OR51B5: variants seen among roughly 807,000 people sequenced by gnomAD.
OR51B5 encodes the protein olfactory receptor family 51 subfamily B member 5, also known as olfactory receptor 51B5.
For synonymous variants in OR51B5, 186 were observed against 144.8 expected (o/e 1.28, Z -2.04); for missense variants, 456 against 374.6 (o/e 1.22, Z -1.79).
At chr11:5,502,194 C>A (rs975229497) in intron 1 of OR51B5, among the ~76,000 whole-genome samples, 4 of 148,448 alleles carry the variant, frequency 2.7e-5, no homozygotes, top group Non-Finnish European at 6.0e-5. Context: ...CCGCTTGTCA[C>A]TCTCTCATTC....
intron 1 of OR51B5, among the ~76,000 whole-genome samples, chr11:5,465,160 C>T (rs1453659561): frequency 7.0e-6 from 1 of 142,352 alleles, no homozygotes; most frequent in Non-Finnish European, 1.5e-5. Flanking sequence ...GAGCCGAGAT[C>T]CCGCCACTGC....
At chr11:5,402,923 C>T (rs1849994205) in intron 1 of OR51B5, 1 of 471,348 alleles carries the variant, frequency 2.1e-6, no homozygotes. Context: ...TCCATCCATT[C>T]TTTATCCATG....
At chr11:5,454,507 T>A in intron 1 of OR51B5, 1 of 1,171,394 alleles carries the variant, frequency 8.5e-7, no homozygotes, top group Non-Finnish European at 1.2e-6. Flanking sequence ...CATCAAAGTA[T>A]AAGATAGATT....
At chr11:5,372,097 C>A (rs896376979) in intron 1 of OR51B5, among the ~76,000 whole-genome samples, 3 of 152,048 alleles carry the variant, frequency 2.0e-5, no homozygotes, top group African/African-American at 7.2e-5. Flanking sequence ...ATTGTGATAT[C>A]ATACATACAT....
chr11:5,435,410 A>T (rs904247791), intron 1 of OR51B5, among the ~76,000 whole-genome samples: 6 of 152,186 alleles, frequency 3.9e-5, no homozygotes, highest in Non-Finnish European at 8.8e-5. Flanking sequence ...ACTTATGTTA[A>T]TTTGTAAACA....
intron 1 of OR51B5, among the ~76,000 whole-genome samples, chr11:5,359,752 G>T (rs1369249879): frequency 1.3e-5 from 2 of 150,786 alleles, no homozygotes; most frequent in Non-Finnish European, 3.0e-5. Flanking sequence ...TATACTACAA[G>T]GCTACAGTAA....
intron 1 of OR51B5, chr11:5,403,208 T>C (rs1850000283): frequency 4.2e-6 from 2 of 471,238 alleles, no homozygotes; most frequent in Non-Finnish European, 8.8e-6. Flanking sequence ...GGATTTTCAT[T>C]GTTACCTCTA....
chr11:5,422,605 C>A (rs993842607), intron 1 of OR51B5: 3 of 1,614,148 alleles, frequency 1.9e-6, no homozygotes, highest in Non-Finnish European at 2.5e-6. Flanking sequence ...TCCATTATGC[C>A]TCCATCCTCA....
intron 1 of OR51B5, among the ~76,000 whole-genome samples, chr11:5,471,821 C>G (rs117372022): frequency 6.6e-6 from 1 of 152,080 alleles, no homozygotes; most frequent in Non-Finnish European, 1.5e-5. Context: ...AGCTTCCTCA[C>G]GTCTTATTTT....
At chr11:5,417,461 A>T (rs554769006) in intron 1 of OR51B5, among the ~76,000 whole-genome samples, 4 of 151,806 alleles carry the variant, frequency 2.6e-5, no homozygotes, top group South Asian at 2.1e-4. Context: ...TCTGCGCAGC[A>T]AAAGAAACTA....
At chr11:5,381,719 TATG>T (rs1455831114) in intron 1 of OR51B5, among the ~76,000 whole-genome samples, 1 of 152,166 alleles carries the variant, frequency 6.6e-6, no homozygotes, top group African/African-American at 2.4e-5. Flanking sequence ...TATTTTGTGA[TATG>T]ATAAAACAAA....
intron 1 of OR51B5, among the ~76,000 whole-genome samples, chr11:5,432,182 C>G (rs1850544008): frequency 6.6e-6 from 1 of 152,176 alleles, no homozygotes; most frequent in Non-Finnish European, 1.5e-5. Context: ...AACACACATG[C>G]CTTTCCACCC....
At chr11:5,402,957 C>G in intron 1 of OR51B5, 1 of 471,350 alleles carries the variant, frequency 2.1e-6, no homozygotes, top group Non-Finnish European at 4.4e-6. Context: ...TGCTGCTGGC[C>G]ATGTCTTTGG....
chr11:5,476,332 T>C (rs548997056), intron 1 of OR51B5, among the ~76,000 whole-genome samples: 9 of 152,330 alleles, frequency 5.9e-5, no homozygotes, highest in Non-Finnish European at 1.2e-4. Flanking sequence ...ATAACTTATC[T>C]ATAGTCACAA....
At chr11:5,502,861 T>C (rs1220601675) in intron 1 of OR51B5, among the ~76,000 whole-genome samples, 1 of 152,242 alleles carries the variant, frequency 6.6e-6, no homozygotes, top group Non-Finnish European at 1.5e-5. Context: ...TCATTGCCAC[T>C]ATATTTTAAA....
At chr11:5,418,586 C>G (rs6578643) in intron 1 of OR51B5, among the ~76,000 whole-genome samples, 124,835 of 151,946 alleles carry the variant, frequency 0.82, 52,110 homozygotes, top group Non-Finnish European at 0.89. Context: ...CAGGGACATG[C>G]ATGAAGCTGG....
chr11:5,442,659 T>A (rs577780765), intron 1 of OR51B5, among the ~76,000 whole-genome samples: 1 of 152,332 alleles, frequency 6.6e-6, no homozygotes, highest in African/African-American at 2.4e-5. Context: ...TTATTATTTT[T>A]TAGTTATTTG....
rs562282576 is a variant in OR51B5, at chr11:5,400,086, T to G, written n.85-53176A>C. On this transcript the variant is annotated intron_variant and non_coding_transcript_variant, in intron 1 of 4. Coordinates refer to the OR51B5 transcript ENST00000415970. ...AGGGCATAAGAATGCAGAAGAGAAA[T>G]GTTTCTCATTTTCAGCCATAAGATG... Among the ~76,000 whole-genome samples, 5 of 152,206 alleles carry G rather than the reference T, an allele frequency of 3.3e-5. No individual in the cohort carries two copies. The East Asian group carries it at 9.7e-4, about 29-fold the overall frequency.
At chr11:5,396,218 C>G (rs2647558) in intron 1 of OR51B5, among the ~76,000 whole-genome samples, 56,485 of 151,970 alleles carry the variant, frequency 0.37, 10,582 homozygotes, top group South Asian at 0.42. Context: ...AGTTCTGGCC[C>G]GGGCAATCGG....
Sources: gnomAD v4.1 joint callset for allele counts (sites outside exome capture counted in the v4.1 genomes callset) on GRCh38, gnomAD v4.1.1 for gene constraint, MANE v1.5 for transcripts, NCBI Gene and HGNC (gene_info 2026-07-23, HGNC 2026-07-21) for gene names.